The following GAPVD1 variants were observed in gnomAD, a reference collection of about 807,000 sequenced individuals.
GAPVD1 encodes GTPase-activating protein and VPS9 domain-containing protein 1.
GAPVD1 carries 35 observed loss-of-function variants against 155.5 expected under a neutral mutation model. The ratio of observed to expected loss-of-function variants is 0.23; its 90% CI spans 0.17 to 0.30. The LOEUF is 0.30. Among genes scored for constraint, GAPVD1 ranks in the 10% least tolerant of loss-of-function variants. The pLI is 1.00. For synonymous variants in GAPVD1, 636 were observed against 619.7 expected, an observed-to-expected ratio of 1.03 and a Z score of -0.39; for missense variants, 1,429 against 1,775.7, an observed-to-expected ratio of 0.80 and a Z score of 3.51.
At chr9:125,352,137 T>C (rs554453544) in intron 23 of GAPVD1, among the ~76,000 whole-genome samples, 1 of 152,314 alleles carries the variant, frequency 6.6e-6, no homozygotes, top group South Asian at 2.1e-4. Context: ...AGTTGCTGGC[T>C]TTTCTAGGTG....
chr9:125,267,211 T>C (rs1161023252), intron 1 of GAPVD1, among the ~76,000 whole-genome samples: 1 of 152,214 alleles, frequency 6.6e-6, no homozygotes, highest in African/African-American at 2.4e-5. Flanking sequence ...ACATAGAAGA[T>C]GCACATTTTA....
In GAPVD1 at chr9:125,321,491, A is replaced by G; in HGVS notation, c.1661A>G (p.Lys554Arg). 1 of 1,613,076 alleles carries G rather than the reference A, an allele frequency of 6.2e-7. No individual in the cohort carries two copies. Among genetic ancestry groups the G allele is most frequent in the Non-Finnish European group, 8.5e-7 (1 of 1,179,022 alleles). ...GQGDVPVDEN[K>R]LHGKPDKTLR... is the part of the protein sequence containing the mutation. ...GGAGATGTCCCTGTTGATGAAAACAAACTCCATGGTAAACCTGATAAAACC... is the reference window on the plus strand; with the variant it reads ...GGAGATGTCCCTGTTGATGAAAACAGACTCCATGGTAAACCTGATAAAACC... The change falls in exon 10 of 28, where the codon AAA (lysine) becomes AGA (arginine). Residue 554 changes from lysine (K) to arginine (R), a missense_variant. Around this residue, in one of 4 missense-constraint regions of GAPVD1, gnomAD observed 628 missense variants for 733.4 expected, o/e 0.86. Coordinates refer to ENST00000297933, the MANE Select transcript of GAPVD1 (RefSeq NM_001282680.3).
chr9:125,316,447 G>A (rs1202727507), intron 9 of GAPVD1, among the ~76,000 whole-genome samples: 2 of 152,056 alleles, frequency 1.3e-5, no homozygotes, highest in Non-Finnish European at 2.9e-5. Flanking sequence ...TTCTGTTCCT[G>A]CATTAGTTTG....
chr9:125,271,231 A>ATGTC (rs1402885238), intron 2 of GAPVD1, among the ~76,000 whole-genome samples: 2 of 152,070 alleles, frequency 1.3e-5, no homozygotes, highest in African/African-American at 4.8e-5. Context: ...TTAATCTAAG[A>ATGTC]TGTCTGTCCG....
intron 2 of GAPVD1, among the ~76,000 whole-genome samples, chr9:125,276,847 C>G (rs1341702142): frequency 6.6e-6 from 1 of 152,148 alleles, no homozygotes; most frequent in Non-Finnish European, 1.5e-5. Flanking sequence ...CAGCCTCAAA[C>G]TCATGGGCTC....
At position 125,302,294 on chromosome 9, in the gene GAPVD1, A is replaced by G. The variant is rs779323745; in HGVS notation, c.497A>G (p.Asn166Ser). Residue 166 changes from asparagine (N) to serine (S), a missense_variant, in exon 5 of 28, where the codon AAC becomes AGC. This residue lies in a region of GAPVD1 where 628 missense variants were observed against 733.4 expected (regional missense o/e 0.86). Coordinates refer to ENST00000297933, the MANE Select transcript of GAPVD1 (RefSeq NM_001282680.3). ...GAATTTGAACTTAAAGAAAGTGACA[A>G]CCCTAGGCGACTTTTGAGGAGAGGA... ...LIEFELKESD[N>S]PRRLLRRGTC... The G allele has an allele frequency of 6.2e-7, 1 of 1,613,990 alleles. No individual in the cohort carries two copies. The highest frequency in any genetic ancestry group is 8.5e-7 in the Non-Finnish European group (1 of 1,179,920).
intron 3 of GAPVD1, among the ~76,000 whole-genome samples, chr9:125,297,282 C>T (rs1275623718): frequency 1.3e-5 from 2 of 152,192 alleles, no homozygotes; most frequent in Non-Finnish European, 2.9e-5. Context: ...CAAGGCTTGG[C>T]CCTGCTGTCA....
chr9:125,360,766 T>C, intron 27 of GAPVD1, 41 bp downstream of exon 27: 1 of 1,488,486 alleles, frequency 6.7e-7, no homozygotes. Context: ...TTATGTGGCA[T>C]TCTGAGCAGG....
chr9:125,268,494 T>C (rs969568239), intron 1 of GAPVD1, among the ~76,000 whole-genome samples: 10 of 149,872 alleles, frequency 6.7e-5, no homozygotes, highest in Non-Finnish European at 8.9e-5. Flanking sequence ...CCCCTAACAT[T>C]GTTTTTTTTT....
At chr9:125,309,904 T>C (rs1177370848) in intron 8 of GAPVD1, 2 of 450,460 alleles carry the variant, frequency 4.4e-6, no homozygotes, top group African/African-American at 2.0e-5. Flanking sequence ...TGATTTTCTT[T>C]CTATTTAATG....
chr9:125,356,319 G>C (rs1850078315), intron 25 of GAPVD1, among the ~76,000 whole-genome samples: 1 of 151,972 alleles, frequency 6.6e-6, no homozygotes, highest in Non-Finnish European at 1.5e-5. Context: ...CTAACATTTG[G>C]GGCCAGATTG....
intron 12 of GAPVD1, among the ~76,000 whole-genome samples, chr9:125,327,881 AG>A (rs2131676240): frequency 6.6e-6 from 1 of 152,290 alleles, no homozygotes; most frequent in Non-Finnish European, 1.5e-5. Flanking sequence ...CAGTTTCAGG[AG>A]TTAGACCCAC....
At chr9:125,302,938 T>C (rs1841132158) in intron 5 of GAPVD1, 112 bp downstream of exon 5, 2 of 1,307,662 alleles carry the variant, frequency 1.5e-6, no homozygotes, top group African/African-American at 1.5e-5. Flanking sequence ...TCTTACAACT[T>C]TTTCTCAACC....
At chr9:125,278,390 G>A (rs1243297376) in intron 2 of GAPVD1, among the ~76,000 whole-genome samples, 1 of 151,986 alleles carries the variant, frequency 6.6e-6, no homozygotes, top group African/African-American at 2.4e-5. Context: ...ACGTGGTAGT[G>A]GGTGCTGGTA....
intron 15 of GAPVD1, among the ~76,000 whole-genome samples, chr9:125,335,974 G>A (rs1242038237): frequency 6.6e-6 from 1 of 151,954 alleles, no homozygotes; most frequent in East Asian, 1.9e-4. Flanking sequence ...GCAACATGGT[G>A]AGACCCTGTC....
intron 17 of GAPVD1, 57 bp from the exon 18 acceptor site, chr9:125,341,120 T>C (rs1847795040): frequency 2.3e-6 from 2 of 880,030 alleles, no homozygotes; most frequent in Non-Finnish European, 3.9e-6. Flanking sequence ...GAAATCCTTT[T>C]CTTAGTAATT....
At chr9:125,311,475 A>C (rs2131218852) in intron 8 of GAPVD1, among the ~76,000 whole-genome samples, 1 of 152,066 alleles carries the variant, frequency 6.6e-6, no homozygotes, top group African/African-American at 2.4e-5. Context: ...TACAAAATTC[A>C]CCAAGTGTGG....
rs1851379753 is a variant in GAPVD1 at position 125,365,050 on chromosome 9, G to A, written c.*2304G>A. ...CTGTGGAAGAGAAGGTGGTGGGATTGGGGTGAAGGGCTACACTGGAGGCAG... is the reference window on the plus strand; with the variant it reads ...CTGTGGAAGAGAAGGTGGTGGGATTAGGGTGAAGGGCTACACTGGAGGCAG... On this transcript the variant is annotated 3_prime_UTR_variant, in exon 28 of 28. Transcript: ENST00000297933. 1 of 152,312 alleles carries A rather than the reference G, an allele frequency of 6.6e-6. No homozygotes were observed. Among genetic ancestry groups the A allele is most frequent in the Admixed American group, 6.5e-5 (1 of 15,286 alleles). 9.4% of individuals were successfully genotyped at this position (152,312 alleles called of 1,614,324 possible).
chr9:125,321,499 G>A lies in GAPVD1; in HGVS notation c.1669G>A (p.Gly557Ser). ...CCCTGTTGATGAAAACAAACTCCAT[G>A]GTAAACCTGATAAAACCTTGCGCTT... ...DVPVDENKLH[G>S]KPDKTLRFSL... Residue 557 changes from glycine to serine, a missense_variant, in exon 10 of 28, where the codon GGT becomes AGT. Around this residue, in one of 4 missense-constraint regions of GAPVD1, gnomAD observed 628 missense variants for 733.4 expected, o/e 0.86. Transcript: ENST00000297933. 4.3e-6 allele frequency: 7 copies of A among 1,613,138 alleles called. No individual in the cohort carries two copies. Among genetic ancestry groups the A allele is most frequent in the Non-Finnish European group, 5.9e-6 (7 of 1,179,136 alleles).
Sources: allele counts gnomAD v4.1 joint callset (sites outside exome capture counted in the v4.1 genomes callset), GRCh38; gene constraint gnomAD v4.1.1; regional missense constraint gnomAD v4.1.1; transcripts MANE v1.5; gene names NCBI Gene and HGNC (gene_info 2026-07-23, HGNC 2026-07-21).